Variants in NUBPL observed in about 807,000 individuals in gnomAD.
NUBPL encodes the protein iron-sulfur cluster transfer protein NUBPL.
A neutral mutation model predicts 45.7 loss-of-function variants in NUBPL; 31 were observed. The observed-to-expected ratio is 0.68, with a 90% confidence interval of 0.51 to 0.92. The LOEUF (loss-of-function observed/expected upper bound fraction) is 0.92, where lower values mean the gene tolerates loss of function less well. Ranked by LOEUF, NUBPL falls within the 40% of genes least tolerant of loss-of-function variation. The probability of loss-of-function intolerance (pLI) is 0.00; values close to 1 mark genes in which losing one functional copy is unlikely to be tolerated. For synonymous variants in NUBPL, 144 were observed against 140.9 expected (o/e 1.02, Z -0.15); for missense variants, 401 against 398.7 (o/e 1.01, Z -0.05).
intron 4 of NUBPL, among the ~76,000 whole-genome samples, chr14:31,638,728 A>G (rs940844551): frequency 2.0e-5 from 3 of 152,110 alleles, no homozygotes; most frequent in Admixed American, 6.5e-5. Context: ...AGGTACACCA[A>G]TCAGACGTAG....
At chr14:31,688,267 G>A (rs1237622985) in intron 6 of NUBPL, among the ~76,000 whole-genome samples, 1 of 152,118 alleles carries the variant, frequency 6.6e-6, no homozygotes, top group Non-Finnish European at 1.5e-5. Context: ...CAGCAGATGA[G>A]TTCGTGGACA....
chr14:31,757,515 G>A (rs1367388730), intron 6 of NUBPL, among the ~76,000 whole-genome samples: 2 of 152,072 alleles, frequency 1.3e-5, no homozygotes, highest in African/African-American at 4.8e-5. Context: ...TTCTCTGATG[G>A]TAGTTTGTAT....
At chr14:31,614,529 T>G (rs989196065) in intron 4 of NUBPL, among the ~76,000 whole-genome samples, 1 of 152,158 alleles carries the variant, frequency 6.6e-6, no homozygotes, top group Non-Finnish European at 1.5e-5. Flanking sequence ...TATTTTTAAT[T>G]TTTTTACATG....
At chr14:31,835,467 T>C (rs2040266301) in intron 8 of NUBPL, among the ~76,000 whole-genome samples, 1 of 152,222 alleles carries the variant, frequency 6.6e-6, no homozygotes, top group South Asian at 2.1e-4. Context: ...ACCCATCTCA[T>C]TGGTCACTAT....
chr14:31,743,353 T>A (rs534426063), intron 6 of NUBPL, among the ~76,000 whole-genome samples: 6 of 152,176 alleles, frequency 3.9e-5, no homozygotes, highest in Non-Finnish European at 5.9e-5. Context: ...ATGGTATTCA[T>A]TCTCGGCTGG....
chr14:31,734,817 A>G (rs2038130512), intron 6 of NUBPL, among the ~76,000 whole-genome samples: 1 of 152,212 alleles, frequency 6.6e-6, no homozygotes, highest in South Asian at 2.1e-4. Context: ...GTCTGTAGAT[A>G]TTCAGGGTTT....
chr14:31,572,391 G>A (rs556529637), intron 3 of NUBPL, among the ~76,000 whole-genome samples: 4 of 151,920 alleles, frequency 2.6e-5, no homozygotes, highest in Non-Finnish European at 5.9e-5. Context: ...CGCCTGCTTC[G>A]GCCTCCCAAA....
chr14:31,742,303 C>T (rs1023106067), intron 6 of NUBPL, among the ~76,000 whole-genome samples: 1 of 150,874 alleles, frequency 6.6e-6, no homozygotes, highest in Non-Finnish European at 1.5e-5. Flanking sequence ...AGGTTCATGC[C>T]ATTAGGACAT....
intron 6 of NUBPL, among the ~76,000 whole-genome samples, chr14:31,765,679 T>G (rs188168212): frequency 3.1e-4 from 47 of 152,124 alleles, no homozygotes; most frequent in African/African-American, 1.1e-3. Flanking sequence ...ACAACATAAA[T>G]CTGCCTGAAT....
chr14:31,596,600 G>T (rs1383341523), intron 3 of NUBPL, among the ~76,000 whole-genome samples: 1 of 152,154 alleles, frequency 6.6e-6, no homozygotes, highest in Non-Finnish European at 1.5e-5. Flanking sequence ...GAGATCATAT[G>T]ATCCTCAACG....
intron 4 of NUBPL, among the ~76,000 whole-genome samples, chr14:31,639,890 AG>A (rs201441937): frequency 0.011 from 1,615 of 152,246 alleles, 23 homozygotes; most frequent in African/African-American, 0.037. Context: ...GATTATATCC[AG>A]GTGCGGGATA....
chr14:31,671,108 G>A (rs1486291984), intron 4 of NUBPL, among the ~76,000 whole-genome samples: 1 of 152,156 alleles, frequency 6.6e-6, no homozygotes, highest in African/African-American at 2.4e-5. Flanking sequence ...CCATGTGCAT[G>A]GGATGTTTCT....
At chr14:31,621,792 T>C (rs2035070449) in intron 4 of NUBPL, among the ~76,000 whole-genome samples, 1 of 152,204 alleles carries the variant, frequency 6.6e-6, no homozygotes. Context: ...CAGTCTTAGG[T>C]AGTTCTTTAT....
chr14:31,608,896 C>T (rs1449899640), intron 4 of NUBPL, among the ~76,000 whole-genome samples: 1 of 152,008 alleles, frequency 6.6e-6, no homozygotes, highest in Non-Finnish European at 1.5e-5. Context: ...AATTGCAAGC[C>T]TCATGGTAAC....
At chr14:31,787,111 A>G (rs1378045712) in intron 6 of NUBPL, among the ~76,000 whole-genome samples, 1 of 152,184 alleles carries the variant, frequency 6.6e-6, no homozygotes, top group Non-Finnish European at 1.5e-5. Context: ...CTGCTTTACA[A>G]TTGAGAAGAT....
chr14:31,800,097 C>T (rs188339534), intron 7 of NUBPL, among the ~76,000 whole-genome samples: 15 of 151,418 alleles, frequency 9.9e-5, no homozygotes, highest in African/African-American at 3.4e-4. Context: ...AATTCCTTAT[C>T]TGTTCAGGTT....
At chr14:31,732,346 A>G (rs2038069685) in intron 6 of NUBPL, among the ~76,000 whole-genome samples, 1 of 152,102 alleles carries the variant, frequency 6.6e-6, no homozygotes, top group Admixed American at 6.5e-5. Context: ...TAGCTAGCCT[A>G]TATTTCAGAA....
intron 4 of NUBPL, among the ~76,000 whole-genome samples, chr14:31,624,559 CTTTA>C (rs998742075): frequency 2.0e-5 from 3 of 151,994 alleles, no homozygotes; most frequent in East Asian, 1.9e-4. Flanking sequence ...TGACTAAAGA[CTTTA>C]TTTATTTATT....
intron 4 of NUBPL, among the ~76,000 whole-genome samples, chr14:31,639,258 G>C (rs1330993886): frequency 6.6e-6 from 1 of 152,246 alleles, no homozygotes. Flanking sequence ...GTACAGATGG[G>C]TTTTTGGTGC....
Sources: allele counts gnomAD v4.1 joint callset (sites outside exome capture counted in the v4.1 genomes callset), GRCh38; gene constraint gnomAD v4.1.1; transcripts MANE v1.5; gene names NCBI Gene and HGNC (gene_info 2026-07-23, HGNC 2026-07-21).